The following PPARGC1A variants were observed in gnomAD, a reference collection of about 807,000 sequenced individuals.
PPARGC1A encodes peroxisome proliferator-activated receptor gamma coactivator 1-alpha.
PPARGC1A carries 25 observed loss-of-function variants against 88.7 expected under a neutral mutation model. The observed-to-expected ratio is 0.28, with a 90% CI of 0.21 to 0.39. The LOEUF (loss-of-function observed/expected upper bound fraction) is 0.39, where lower values mean the gene tolerates loss of function less well. Among genes scored for constraint, PPARGC1A ranks in the 10% least tolerant of loss-of-function variants. PPARGC1A has a pLI of 1.00. For missense variants in PPARGC1A, 880 were observed against 968.7 expected, an observed-to-expected ratio of 0.91 and a Z score of 1.22; for synonymous variants, 363 against 355.6, an observed-to-expected ratio of 1.02 and a Z score of -0.24.
At chr4:24,275,192 A>G in the PPARGC1A span, among the ~76,000 whole-genome samples, 2 of 143,046 alleles carry the variant, frequency 1.4e-5, no homozygotes, top group South Asian at 2.3e-4. Flanking sequence ...TGTCTGTACA[A>G]TCAAGTAAGT....
chr4:23,887,725 T>C (rs2148845699), intron 1 of PPARGC1A, among the ~76,000 whole-genome samples: 1 of 152,172 alleles, frequency 6.6e-6, no homozygotes, highest in Non-Finnish European at 1.5e-5. Context: ...CTTTTGGAGG[T>C]TTTTGTGCCA....
chr4:24,085,525 T>G, the PPARGC1A span, among the ~76,000 whole-genome samples: 1 of 152,164 alleles, frequency 6.6e-6, no homozygotes, highest in Non-Finnish European at 1.5e-5. Context: ...CTGTGTTGGG[T>G]GCCTGGTGAG....
At chr4:24,183,463 G>A in the PPARGC1A span, among the ~76,000 whole-genome samples, 12 of 152,316 alleles carry the variant, frequency 7.9e-5, no homozygotes, top group East Asian at 3.9e-4. Flanking sequence ...AAGTATCTGC[G>A]TTCAAAGATG....
chr4:24,323,938 C>T, the PPARGC1A span, among the ~76,000 whole-genome samples: 4 of 152,306 alleles, frequency 2.6e-5, no homozygotes, highest in East Asian at 1.9e-4. Flanking sequence ...TCAATCTTGG[C>T]GCTACACTTC....
At chr4:24,437,595 T>TTGC in the PPARGC1A span, among the ~76,000 whole-genome samples, 1 of 19,514 alleles carries the variant, frequency 5.1e-5, no homozygotes, top group African/African-American at 2.3e-4. Context: ...CACAGGTTTT[T>TTGC]TGTTGTTGTT....
chr4:23,886,045 G>A (rs958488069), intron 1 of PPARGC1A, among the ~76,000 whole-genome samples: 10 of 152,220 alleles, frequency 6.6e-5, no homozygotes, highest in East Asian at 3.9e-4. Context: ...ATGTCAGTCC[G>A]CAGACAGTAA....
chr4:24,206,841 A>T, the PPARGC1A span, among the ~76,000 whole-genome samples: 10 of 1,140 alleles, frequency 8.8e-3, no homozygotes, highest in Admixed American at 0.015. Context: ...ACTTCACCTT[A>T]AAAAAAAAAA....
chr4:23,950,108 T>G, the PPARGC1A span, among the ~76,000 whole-genome samples: 1 of 152,090 alleles, frequency 6.6e-6, no homozygotes, highest in Non-Finnish European at 1.5e-5. Flanking sequence ...CATCGGCAAA[T>G]TGACTCATCA....
At chr4:23,797,243 T>C (rs1717773078) in intron 12 of PPARGC1A, among the ~76,000 whole-genome samples, 1 of 152,142 alleles carries the variant, frequency 6.6e-6, no homozygotes, top group African/African-American at 2.4e-5. Context: ...AAATAGTCAA[T>C]TCTTAAATTA....
the PPARGC1A span, among the ~76,000 whole-genome samples, chr4:24,300,324 A>ATTTTTTTTTTTTTTTTTT: frequency 1.1e-4 from 5 of 45,028 alleles, 1 homozygote; most frequent in Non-Finnish European, 1.8e-4. Context: ...ATACAATAGC[A>ATTTTTTTTTTTTTTTTTT]TTTTTTTTTT....
intron 5 of PPARGC1A, among the ~76,000 whole-genome samples, chr4:23,826,600 T>G (rs1723989679): frequency 6.6e-6 from 1 of 152,198 alleles, no homozygotes; most frequent in Non-Finnish European, 1.5e-5. Flanking sequence ...TCATGTATTT[T>G]CCGCATTTTG....
At chr4:24,375,781 C>G in the PPARGC1A span, among the ~76,000 whole-genome samples, 2 of 152,034 alleles carry the variant, frequency 1.3e-5, no homozygotes, top group African/African-American at 4.8e-5. Flanking sequence ...GATGCTTTCT[C>G]TGAACGGAGG....
chr4:24,207,919 T>C, the PPARGC1A span, among the ~76,000 whole-genome samples: 1 of 152,174 alleles, frequency 6.6e-6, no homozygotes, highest in Non-Finnish European at 1.5e-5. Context: ...TTCTGATTAT[T>C]AAGTTTCTGC....
At chr4:24,131,662 C>G in the PPARGC1A span, among the ~76,000 whole-genome samples, 1 of 152,174 alleles carries the variant, frequency 6.6e-6, no homozygotes. Context: ...CAAACAAAAT[C>G]AAACCACATT....
the PPARGC1A span, among the ~76,000 whole-genome samples, chr4:24,197,257 G>C: frequency 6.6e-6 from 1 of 152,158 alleles, no homozygotes; most frequent in Non-Finnish European, 1.5e-5. Context: ...ATAACAACCT[G>C]CCATCTACCT....
chr4:23,875,945 A>G (rs908279923), intron 2 of PPARGC1A: 2 of 152,126 alleles, frequency 1.3e-5, no homozygotes, highest in African/African-American at 4.8e-5. Flanking sequence ...TGGTTTTTCT[A>G]TGTGCTTTTT....
At chr4:23,865,189 AAAAG>A (rs1361448211) in intron 2 of PPARGC1A, among the ~76,000 whole-genome samples, 4 of 152,190 alleles carry the variant, frequency 2.6e-5, no homozygotes, top group African/African-American at 9.6e-5. Context: ...CCTCCAAAAG[AAAAG>A]AAAGAGTCAC....
At chr4:24,053,073 G>A in the PPARGC1A span, among the ~76,000 whole-genome samples, 8 of 150,122 alleles carry the variant, frequency 5.3e-5, no homozygotes, top group Non-Finnish European at 7.4e-5. Context: ...GGGTTTTACC[G>A]TGTTAGCCAG....
the PPARGC1A span, among the ~76,000 whole-genome samples, chr4:24,080,240 T>A: frequency 6.6e-6 from 1 of 152,072 alleles, no homozygotes; most frequent in Non-Finnish European, 1.5e-5. Context: ...AGTTGTACTG[T>A]TTTTCCAGTA....
Sources: gnomAD v4.1 joint callset for allele counts (sites outside exome capture counted in the v4.1 genomes callset) on GRCh38, gnomAD v4.1.1 for gene constraint, MANE v1.5 for transcripts, NCBI Gene and HGNC (gene_info 2026-07-23, HGNC 2026-07-21) for gene names.